The following RBFOX1 variants were observed in gnomAD, a reference collection of about 807,000 sequenced individuals.
RBFOX1 encodes RNA binding protein fox-1 homolog 1.
Under a neutral mutation model 57.7 loss-of-function variants are expected in RBFOX1, and 8 were observed. The ratio of observed to expected loss-of-function variants is 0.14; its 90% CI spans 0.08 to 0.25. The LOEUF (loss-of-function observed/expected upper bound fraction) is 0.25, where lower values mean the gene tolerates loss of function less well. Ranked by LOEUF, RBFOX1 falls within the 10% of genes least tolerant of loss-of-function variation. The pLI is 1.00. For missense variants in RBFOX1, 611 were observed against 548.5 expected (o/e 1.11, Z -1.14); for synonymous variants, 326 against 222.4 (o/e 1.47, Z -4.15).
chr16:7,038,144 G>T (rs941443053), intron 3 of RBFOX1, among the ~76,000 whole-genome samples: 1 of 151,984 alleles, frequency 6.6e-6, no homozygotes, highest in Non-Finnish European at 1.5e-5. Context: ...GAAAATCTTC[G>T]CTGAGATGCT....
chr16:5,908,332 A>ATATG (rs1555443993), intron 4 of RBFOX1, among the ~76,000 whole-genome samples: 5 of 137,464 alleles, frequency 3.6e-5, no homozygotes, highest in African/African-American at 1.1e-4. Flanking sequence ...ACATATATAT[A>ATATG]TGTGTGTGTG....
At chr16:6,834,024 A>G (rs2092906575) in intron 3 of RBFOX1, among the ~76,000 whole-genome samples, 1 of 151,774 alleles carries the variant, frequency 6.6e-6, no homozygotes. Context: ...CATTGGAGGA[A>G]TTTAAAGGTT....
intron 3 of RBFOX1, among the ~76,000 whole-genome samples, chr16:6,740,164 A>G (rs528930663): frequency 1.3e-5 from 2 of 152,334 alleles, no homozygotes; most frequent in Admixed American, 1.3e-4. Context: ...CAAGAAGAAA[A>G]ATCACATGCT....
At chr16:6,359,698 C>T (rs1008136633) in intron 2 of RBFOX1, among the ~76,000 whole-genome samples, 9 of 152,170 alleles carry the variant, frequency 5.9e-5, no homozygotes, top group African/African-American at 2.2e-4. Flanking sequence ...ACCAACCTTT[C>T]GAGCATCTAC....
At chr16:7,001,022 T>C (rs1449358640) in intron 3 of RBFOX1, among the ~76,000 whole-genome samples, 2 of 152,200 alleles carry the variant, frequency 1.3e-5, no homozygotes, top group Non-Finnish European at 2.9e-5. Context: ...TCCTTTTTCA[T>C]TTATTAGATA....
At chr16:7,587,698 G>A (rs557365063) in intron 7 of RBFOX1, among the ~76,000 whole-genome samples, 1 of 152,258 alleles carries the variant, frequency 6.6e-6, no homozygotes, top group Admixed American at 6.5e-5. Context: ...GGTTGTAGGG[G>A]AGAAAAATCT....
At chr16:7,438,771 G>T (rs533045188) in intron 4 of RBFOX1, among the ~76,000 whole-genome samples, 1 of 152,132 alleles carries the variant, frequency 6.6e-6, no homozygotes, top group Non-Finnish European at 1.5e-5. Flanking sequence ...CACAGTGAGC[G>T]CCTGTCAATA....
At chr16:5,484,635 G>A (rs781638413) in intron 2 of RBFOX1, among the ~76,000 whole-genome samples, 1 of 152,086 alleles carries the variant, frequency 6.6e-6, no homozygotes, top group Non-Finnish European at 1.5e-5. Context: ...TAAAATGGCC[G>A]GGTGTGGTGG....
intron 5 of RBFOX1, among the ~76,000 whole-genome samples, chr16:7,551,103 AAAG>A (rs1488397987): frequency 6.6e-6 from 1 of 151,396 alleles, no homozygotes; most frequent in Non-Finnish European, 1.5e-5. Context: ...AAAAAAAAAA[AAAG>A]AAAAAAAAAG....
chr16:5,993,351 G>GTC (rs1246903385), intron 4 of RBFOX1, among the ~76,000 whole-genome samples: 7 of 69,328 alleles, frequency 1.0e-4, no homozygotes, highest in Non-Finnish European at 1.9e-4. Flanking sequence ...GTGTGTGTGT[G>GTC]TGTGTGTGTG....
intron 4 of RBFOX1, among the ~76,000 whole-genome samples, chr16:7,293,880 G>A (rs1297240196): frequency 6.6e-6 from 1 of 152,106 alleles, no homozygotes; most frequent in Non-Finnish European, 1.5e-5. Flanking sequence ...TCTTTGACCT[G>A]TGTTCCAGGA....
At chr16:6,205,211 G>C (rs2097246648) in intron 1 of RBFOX1, among the ~76,000 whole-genome samples, 1 of 152,152 alleles carries the variant, frequency 6.6e-6, no homozygotes, top group Non-Finnish European at 1.5e-5. Flanking sequence ...TCATATATGG[G>C]AGACTTGCTA....
At chr16:6,666,310 G>C (rs1382638937) in intron 3 of RBFOX1, among the ~76,000 whole-genome samples, 1 of 152,128 alleles carries the variant, frequency 6.6e-6, no homozygotes, top group African/African-American at 2.4e-5. Flanking sequence ...TAGGCGGGCG[G>C]ATCACCTGAG....
chr16:7,088,882 G>A (rs528786332), intron 4 of RBFOX1, among the ~76,000 whole-genome samples: 33 of 152,070 alleles, frequency 2.2e-4, no homozygotes, highest in Non-Finnish European at 4.0e-4. Context: ...GTTGTTTTTC[G>A]TTGCTCGGCA....
At chr16:6,692,244 A>G (rs928738871) in intron 3 of RBFOX1, among the ~76,000 whole-genome samples, 11 of 152,172 alleles carry the variant, frequency 7.2e-5, no homozygotes, top group Admixed American at 7.2e-4. Flanking sequence ...CCTCCCTGTA[A>G]GATCACCCAG....
chr16:6,769,162 G>A (rs767610145), intron 3 of RBFOX1, among the ~76,000 whole-genome samples: 8 of 152,122 alleles, frequency 5.3e-5, no homozygotes, highest in Non-Finnish European at 1.2e-4. Context: ...TCATTCCCAC[G>A]CTGTTCTCAT....
At chr16:7,487,057 G>C (rs761443149) in intron 4 of RBFOX1, among the ~76,000 whole-genome samples, 20 of 152,056 alleles carry the variant, frequency 1.3e-4, no homozygotes, top group Non-Finnish European at 2.5e-4. Flanking sequence ...CTGCCATCAT[G>C]CCCAGCTAAT....
chr16:7,283,950 C>T lies in RBFOX1; in HGVS notation c.27+231852C>T, dbSNP rs555410242. Among the ~76,000 whole-genome samples the T allele has an allele frequency of 5.6e-4, 85 of 152,346 alleles. No homozygotes were observed. In the Middle Eastern group the frequency reaches 0.01, roughly 18 times the overall value. ...CCTAGGGCCTAGTTATAGTTAGTCC[C>T]CAGCTCTAGATCCTGGGAATTGGCA... is the stretch of plus-strand genomic sequence containing the variant. On this transcript the variant is annotated intron_variant, in intron 4 of 15. Transcript: ENST00000550418.
At chr16:7,648,860 A>G (rs560487592) in intron 11 of RBFOX1, among the ~76,000 whole-genome samples, 10 of 152,318 alleles carry the variant, frequency 6.6e-5, no homozygotes, top group East Asian at 5.8e-4. Context: ...AAGTGCAACA[A>G]ACTTGGTCCA....
Sources: allele counts gnomAD v4.1 joint callset (sites outside exome capture counted in the v4.1 genomes callset), GRCh38; gene constraint gnomAD v4.1.1; transcripts MANE v1.5; gene names NCBI Gene and HGNC (gene_info 2026-07-23, HGNC 2026-07-21).